Variants in TMEM135 observed in about 807,000 individuals in gnomAD.
TMEM135 encodes transmembrane protein 135.
In TMEM135, 30 loss-of-function variants were observed where a neutral mutation model predicts 60.3. The observed-to-expected ratio is 0.50, with a 90% confidence interval of 0.37 to 0.68. The LOEUF is 0.68. Ranked by LOEUF, TMEM135 falls within the 30% of genes least tolerant of loss-of-function variation. The pLI, the probability that TMEM135 is intolerant of heterozygous loss-of-function variation, is 0.00. For missense variants in TMEM135, 468 were observed against 548.8 expected (o/e 0.85, Z 1.47); for synonymous variants, 190 against 186.7 (o/e 1.02, Z -0.14).
intron 3 of TMEM135, among the ~76,000 whole-genome samples, chr11:87,073,874 G>A (rs1312080970): frequency 6.6e-6 from 1 of 151,980 alleles, no homozygotes; most frequent in African/African-American, 2.4e-5. Flanking sequence ...CACCATGCTA[G>A]CCAGGTTGGT....
chr11:87,279,698 CA>C (rs1044925174), intron 6 of TMEM135, among the ~76,000 whole-genome samples: 5 of 152,100 alleles, frequency 3.3e-5, no homozygotes, highest in African/African-American at 9.7e-5. Context: ...GTGGTAATTA[CA>C]AAAAAGTATA....
intron 4 of TMEM135, among the ~76,000 whole-genome samples, chr11:87,112,054 G>A (rs937489321): frequency 6.6e-6 from 1 of 152,136 alleles, no homozygotes; most frequent in African/African-American, 2.4e-5. Context: ...AACCTTATAT[G>A]TGGCAATAGT....
intron 5 of TMEM135, among the ~76,000 whole-genome samples, chr11:87,218,536 T>C (rs1456547504): frequency 1.3e-5 from 2 of 152,174 alleles, no homozygotes; most frequent in Non-Finnish European, 2.9e-5. Context: ...AAAATGAATA[T>C]ACCAGCTGAT....
intron 4 of TMEM135, among the ~76,000 whole-genome samples, chr11:87,102,004 G>T (rs931044855): frequency 3.9e-5 from 6 of 152,074 alleles, no homozygotes; most frequent in Admixed American, 3.3e-4. Context: ...GAAGAAAAAA[G>T]TACTTTCTCT....
intron 5 of TMEM135, among the ~76,000 whole-genome samples, chr11:87,171,593 T>C (rs975865881): frequency 6.6e-6 from 1 of 152,168 alleles, no homozygotes; most frequent in African/African-American, 2.4e-5. Context: ...GCTGAGACCT[T>C]GGACAGTTTA....
At chr11:87,228,510 G>A (rs1436400256) in intron 5 of TMEM135, among the ~76,000 whole-genome samples, 1 of 152,144 alleles carries the variant, frequency 6.6e-6, no homozygotes, top group East Asian at 1.9e-4. Flanking sequence ...AGCAATGAGT[G>A]TCAGTATTTA....
intron 13 of TMEM135, among the ~76,000 whole-genome samples, chr11:87,318,771 C>T (rs901288005): frequency 6.6e-6 from 1 of 151,608 alleles, no homozygotes; most frequent in African/African-American, 2.4e-5. Flanking sequence ...ATGCTGCCAG[C>T]TTGAAAAACT....
chr11:87,187,845 G>A (rs519956), intron 5 of TMEM135, among the ~76,000 whole-genome samples: 20,157 of 152,098 alleles, frequency 0.13, 1,389 homozygotes, highest in Non-Finnish European at 0.15. Flanking sequence ...TTCTTTTACC[G>A]TTCATTCATC....
At chr11:87,106,323 C>T (rs746316244) in intron 4 of TMEM135, among the ~76,000 whole-genome samples, 3 of 152,140 alleles carry the variant, frequency 2.0e-5, no homozygotes, top group South Asian at 4.2e-4. Context: ...AGGCTGGTCT[C>T]GAACTCCTGA....
intron 5 of TMEM135, among the ~76,000 whole-genome samples, chr11:87,217,233 A>G (rs1284166950): frequency 6.6e-6 from 1 of 152,176 alleles, no homozygotes; most frequent in African/African-American, 2.4e-5. Context: ...CAATTTCTCT[A>G]TATCCCATGA....
At chr11:87,171,000 G>C (rs1269162279) in intron 5 of TMEM135, among the ~76,000 whole-genome samples, 4 of 152,072 alleles carry the variant, frequency 2.6e-5, no homozygotes, top group Admixed American at 6.6e-5. Context: ...GAGAGCAAAG[G>C]GGGTACATCT....
chr11:87,141,290 C>A (rs1938254542), intron 4 of TMEM135, among the ~76,000 whole-genome samples: 1 of 151,740 alleles, frequency 6.6e-6, no homozygotes, highest in Non-Finnish European at 1.5e-5. Context: ...GTGTTTAGGT[C>A]GTTTACTTCC....
intron 3 of TMEM135, among the ~76,000 whole-genome samples, chr11:87,087,441 T>C (rs1171907677): frequency 6.6e-6 from 1 of 152,158 alleles, no homozygotes; most frequent in African/African-American, 2.4e-5. Context: ...CAGCCAGAGA[T>C]CACTGGCTGG....
chr11:87,289,243 CT>C (rs1209205979), intron 6 of TMEM135, among the ~76,000 whole-genome samples: 1 of 151,924 alleles, frequency 6.6e-6, no homozygotes, highest in Non-Finnish European at 1.5e-5. Flanking sequence ...GTTATTAGAT[CT>C]GGGTAATTGG....
At chr11:87,062,996 T>G (rs1949964978) in intron 1 of TMEM135, among the ~76,000 whole-genome samples, 1 of 152,212 alleles carries the variant, frequency 6.6e-6, no homozygotes, top group African/African-American at 2.4e-5. Context: ...TCTATGATAA[T>G]TAATCCTTAT....
chr11:87,112,717 A>AT (rs1195255230), intron 4 of TMEM135, among the ~76,000 whole-genome samples: 4 of 152,166 alleles, frequency 2.6e-5, no homozygotes, highest in Non-Finnish European at 5.9e-5. Context: ...TATATGTTAA[A>AT]TTTTTTGGAA....
chr11:87,283,403 A>G (rs894246497), intron 6 of TMEM135, among the ~76,000 whole-genome samples: 1 of 152,062 alleles, frequency 6.6e-6, no homozygotes, highest in Non-Finnish European at 1.5e-5. Flanking sequence ...TTTTTGCTCC[A>G]TTACTAGGAG....
intron 4 of TMEM135, among the ~76,000 whole-genome samples, chr11:87,136,169 AAG>A (rs1398742321): frequency 7.9e-5 from 12 of 151,990 alleles, no homozygotes; most frequent in South Asian, 2.1e-4. Flanking sequence ...ATCTAAGAAA[AAG>A]AGAAAATTTT....
intron 5 of TMEM135, among the ~76,000 whole-genome samples, chr11:87,184,610 A>G (rs932146694): frequency 3.9e-5 from 6 of 152,180 alleles, no homozygotes; most frequent in South Asian, 2.1e-4. Flanking sequence ...TGTGTATTTC[A>G]TAGTGTGTGT....
Sources: gnomAD v4.1 joint callset for allele counts (sites outside exome capture counted in the v4.1 genomes callset) on GRCh38, gnomAD v4.1.1 for gene constraint, MANE v1.5 for transcripts, NCBI Gene and HGNC (gene_info 2026-07-23, HGNC 2026-07-21) for gene names.